GEMIN4: variants seen among roughly 807,000 people sequenced by gnomAD.
GEMIN4 encodes the protein gem-associated protein 4.
A neutral mutation model predicts 76.8 loss-of-function variants in GEMIN4; 59 were observed. The observed-to-expected ratio is 0.77, with a 90% confidence interval of 0.62 to 0.95. The LOEUF (loss-of-function observed/expected upper bound fraction) is 0.95. GEMIN4 is among the 40% of genes least tolerant of loss of function. The pLI, the probability that GEMIN4 is intolerant of heterozygous loss-of-function variation, is 0.00. For synonymous variants in GEMIN4, 562 were observed against 559.7 expected, an observed-to-expected ratio of 1.00 and a Z score of -0.06; for missense variants, 1,311 against 1,318.9, an observed-to-expected ratio of 0.99 and a Z score of 0.09.
rs1045481 is a variant in GEMIN4, at chr17:744,917, G to A, written c.3126C>T (p.Ile1042=). The part of the protein sequence containing the change: ...QRFLKSIAEG[I]GPEERRQTLL... ...GGGTTTGGCGCCGTTCTTCAGGGCC[G>A]ATGCCCTCAGCAATGGACTTTAAGA... Residue 1042 remains isoleucine (I), a synonymous_variant, in exon 2 of 2, where the codon ATC becomes ATT. Coordinates refer to ENST00000319004, the MANE Select transcript of GEMIN4 (RefSeq NM_015721.3). 378,428 of 1,613,264 alleles carry A rather than the reference G, an allele frequency of 0.23. 46,642 individuals are homozygous for A. The highest frequency in any genetic ancestry group is 0.26 in the Non-Finnish European group (304,597 of 1,179,588).
chr17:752,082 TG>T, intron 1 of GEMIN4, 50 bp downstream of exon 1: 1 of 1,183,572 alleles, frequency 8.4e-7, no homozygotes, highest in Non-Finnish European at 1.1e-6. Flanking sequence ...AGCACCGCTC[TG>T]GTGGCGCATT....
At position 752,181 on chromosome 17, in the gene GEMIN4, T is replaced by A; in HGVS notation, c.-39A>T. On this transcript the variant is annotated 5_prime_UTR_variant, in exon 1 of 2. Transcript: ENST00000319004. Reference sequence around the variant, plus strand: ...GCGGCTGCGCGGGGCTAACGCCCCCTCCCCTCCGAGAACTCGAACGCGGCG... The same window carrying A: ...GCGGCTGCGCGGGGCTAACGCCCCCACCCCTCCGAGAACTCGAACGCGGCG... 8.1e-7 allele frequency: 1 copy of A among 1,232,160 alleles called. No homozygotes were observed. Among genetic ancestry groups the A allele is most frequent in the Non-Finnish European group, 1.0e-6 (1 of 987,376 alleles). 76.3% of individuals were successfully genotyped at this position (1,232,160 alleles called of 1,614,324 possible).
Position 747,108 on chromosome 17 carries a change from G to A in GEMIN4, c.935C>T (p.Thr312Ile), listed in dbSNP as rs769784287. ...LTSLAKLPSETIFVGCEFLHH... is the reference protein window; with the variant it reads ...LTSLAKLPSEIIFVGCEFLHH... ...CAGGAACTCGCAGCCCACGAAAATG[G>A]TCTCACTGGGGAGTTTGGCCAGCGA... The change falls in exon 2 of 2, where the codon ACC becomes ATC. Residue 312 changes from threonine (T) to isoleucine (I), a missense_variant. Thr to Ile is a moderately conservative substitution (Grantham distance 89). Coordinates refer to ENST00000319004, the MANE Select transcript of GEMIN4 (RefSeq NM_015721.3). 1.5e-5 allele frequency: 24 copies of A among 1,613,610 alleles called. No homozygotes were observed. In the African/African-American group the frequency reaches 1.9e-4, roughly 13 times the overall value.
chr17:745,382 G>A lies in GEMIN4; in HGVS notation c.2661C>T (p.Val887=). The change falls in exon 2 of 2, where the codon GTC becomes GTT. Residue 887 remains valine (V), a synonymous_variant. Transcript: ENST00000319004. The surrounding 1 kb of genome is among the most constrained non-coding windows in gnomAD (Gnocchi z 4.6). ...ACTGAATATATTCCAGGCTATAAGG[G>A]ACATGGAGGAGCTGCTTCTCCAGCA... ...RRLLEKQLLH[V]PYSLEYIQFV... 1 of 1,613,178 alleles carries A rather than the reference G, an allele frequency of 6.2e-7. No homozygotes were observed. The highest frequency in any genetic ancestry group is 8.5e-7 in the Non-Finnish European group (1 of 1,179,872).
intron 1 of GEMIN4, chr17:748,881 C>CA (rs1904456111): frequency 5.7e-6 from 1 of 176,432 alleles, no homozygotes; most frequent in South Asian, 8.2e-5. Context: ...AGCAATCACA[C>CA]GGCTACAGGA....
chr17:750,131 G>A lies in GEMIN4; in HGVS notation c.10+2002C>T, dbSNP rs114099005. 7.0e-3 allele frequency: 1,843 copies of A among 264,840 alleles called. 42 individuals are homozygous for A. Among genetic ancestry groups the A allele is most frequent in the African/African-American group, 0.041 (1,768 of 43,604 alleles). 16.4% of individuals were successfully genotyped at this position (264,840 alleles called of 1,614,324 possible). A position where few individuals can be genotyped will look rare whatever the true frequency, so the allele number is the denominator to read the frequency against. On this transcript the variant is annotated intron_variant, in intron 1 of 1. Transcript: ENST00000319004. ...AGCTACTTGGGGGGCTGAGGCAGGT[G>A]GATCCCTGAGGCCAGGAGTTCAAGA...
At chr17:752,681 C>T (rs901730241), upstream of GEMIN4, 23 of 988,352 alleles carry the variant, frequency 2.3e-5, no homozygotes, top group Middle Eastern at 9.7e-4. Context: ...ATCCTAGACG[C>T]TTTTTGACGG....
chr17:749,700 C>A, intron 1 of GEMIN4: 1 of 473,856 alleles, frequency 2.1e-6, no homozygotes, highest in South Asian at 5.0e-5. Context: ...GGGTAACGGG[C>A]ACAGCAGCAG....
rs760703859 is a variant in GEMIN4 at position 746,907 on chromosome 17, A to C, written c.1136T>G (p.Leu379Arg). ...CAGGAAGTCCCTGACACACTCCGCC[A>C]GCTCAGAGACCACCTGCCTGTCCTC... The part of the protein sequence containing the change: ...SKEDRQVVSE[L>R]AECVRDFLRK... Residue 379 changes from leucine (L) to arginine (R), a missense_variant, in exon 2 of 2, where the codon CTG becomes CGG. Leu to Arg is a moderately radical substitution (Grantham distance 102, BLOSUM62 -2). Coordinates refer to ENST00000319004, the MANE Select transcript of GEMIN4 (RefSeq NM_015721.3). The surrounding 1 kb of genome is among the most constrained non-coding windows in gnomAD (Gnocchi z 4.3). The C allele has an allele frequency of 5.0e-6, 8 of 1,613,718 alleles. No individual in the cohort carries two copies. Among genetic ancestry groups the C allele is most frequent in the Non-Finnish European group, 6.8e-6 (8 of 1,179,772 alleles).
rs553730469 is a variant in GEMIN4 at position 747,442 on chromosome 17, T to C, written c.601A>G (p.Lys201Glu). The change falls in exon 2 of 2, where the codon AAG (lysine) becomes GAG (glutamate). Residue 201 changes from lysine (K) to glutamate (E), a missense_variant. Transcript: ENST00000319004. Reference sequence around the variant, plus strand: ...GCGTCTGGGTCTGACCTAAGCCTCTTTGGAGGATGGGGGAACTCATCTAAG... The same window carrying C: ...GCGTCTGGGTCTGACCTAAGCCTCTCTGGAGGATGGGGGAACTCATCTAAG... ...PALDEFPHPPKRLRSDPDACP... is the reference protein window; with the variant it reads ...PALDEFPHPPERLRSDPDACP... The C allele has an allele frequency of 3.7e-6, 6 of 1,613,630 alleles. No homozygotes were observed. The highest frequency in any genetic ancestry group is 3.3e-5 in the Admixed American group (2 of 59,994).
chr17:746,389 G>A lies in GEMIN4; in HGVS notation c.1654C>T (p.Leu552=). 1.2e-6 allele frequency: 2 copies of A among 1,613,856 alleles called. No individual in the cohort carries two copies. The highest frequency in any genetic ancestry group is 1.7e-6 in the Non-Finnish European group (2 of 1,179,878). ...LAKAVASVAR[L]VIVHPEVTVK... is the part of the protein sequence containing the mutation. ...GTGACTTCCGGGTGCACTATGACCAGGCGGGCCACGGAGGCCACAGCTTTT... is the reference window on the plus strand; with the variant it reads ...GTGACTTCCGGGTGCACTATGACCAAGCGGGCCACGGAGGCCACAGCTTTT... The change falls in exon 2 of 2, where the codon CTG becomes TTG. Residue 552 remains leucine, a synonymous_variant. Coordinates refer to ENST00000319004, the MANE Select transcript of GEMIN4 (RefSeq NM_015721.3). This position sits in a 1 kb window ranked among gnomAD's most constrained non-coding sequence, Gnocchi z 4.3.
At chr17:748,401 T>G (rs2144183428) in intron 1 of GEMIN4, 1 of 222,632 alleles carries the variant, frequency 4.5e-6, no homozygotes, top group Non-Finnish European at 8.9e-6. Flanking sequence ...CTGGGAAATG[T>G]GATTCTGAGA....
rs1419130611 is a variant in GEMIN4 at position 745,350 on chromosome 17, G to T, written c.2693C>A (p.Pro898His). Residue 898 changes from proline (P) to histidine (H), a missense_variant, in exon 2 of 2, where the codon CCC becomes CAC. By Grantham distance (77) the Pro-to-His change is moderately conservative. This residue lies in a region of GEMIN4 where 1,208 missense variants were observed against 1,166.9 expected (regional missense o/e 1.04). Transcript: ENST00000319004. This position sits in a 1 kb window ranked among gnomAD's most constrained non-coding sequence, Gnocchi z 4.6. Reference sequence around the variant, plus strand: ...GGCAAAGGGCTTCAGGTTGAGCAGGGGAACAAACTGAATATATTCCAGGCT... The same window carrying T: ...GGCAAAGGGCTTCAGGTTGAGCAGGTGAACAAACTGAATATATTCCAGGCT... ...PYSLEYIQFV[P>H]LLNLKPFAQE... The T allele has an allele frequency of 6.2e-7, 1 of 1,613,008 alleles. No homozygotes were observed. The highest frequency in any genetic ancestry group is 2.2e-5 in the East Asian group (1 of 44,874).
chr17:746,866 C>T lies in GEMIN4; in HGVS notation c.1177G>A (p.Val393Met), dbSNP rs1272731789. Residue 393 changes from valine (V) to methionine (M), a missense_variant, in exon 2 of 2, where the codon GTG becomes ATG. Physicochemically the swap from Val to Met is conservative, Grantham distance 21 (BLOSUM62 1). This residue lies in a region of GEMIN4 where 1,208 missense variants were observed against 1,166.9 expected (regional missense o/e 1.04). Transcript: ENST00000319004. The surrounding 1 kb of genome is among the most constrained non-coding windows in gnomAD (Gnocchi z 4.3). Reference protein sequence around the residue: ...VRDFLRKTSTVLKNRALEDIT... With the variant: ...VRDFLRKTSTMLKNRALEDIT... ...TCCTCCAAGGCCCTGTTCTTCAGCA[C>T]CGTGCTCGTTTTCCTCAGGAAGTCC... 1.2e-6 allele frequency: 2 copies of T among 1,613,572 alleles called. No individual in the cohort carries two copies. The highest frequency in any genetic ancestry group is 1.1e-5 in the South Asian group (1 of 91,084).
At chr17:750,673 G>A (rs1279651036) in intron 1 of GEMIN4, among the ~76,000 whole-genome samples, 1 of 152,100 alleles carries the variant, frequency 6.6e-6, no homozygotes, top group Non-Finnish European at 1.5e-5. Context: ...ATGCCCCCAA[G>A]AGCTCATATT....
At position 747,670 on chromosome 17, in the gene GEMIN4, A is replaced by C; in HGVS notation, c.373T>G (p.Phe125Val). The part of the protein sequence containing the change: ...LLKSLEASGL[F>V]IQLLMALPTT... Reference sequence around the variant, plus strand: ...GGCAGGGCCATCAGGAGCTGGATAAAGAGTCCAGAAGCTTCCAGGGATTTG... The same window carrying C: ...GGCAGGGCCATCAGGAGCTGGATAACGAGTCCAGAAGCTTCCAGGGATTTG... The change falls in exon 2 of 2, where the codon TTT (phenylalanine) becomes GTT (valine). Residue 125 changes from phenylalanine to valine, a missense_variant. Around this residue, in one of 2 missense-constraint regions of GEMIN4, gnomAD observed 1,208 missense variants for 1,166.9 expected, o/e 1.04. Transcript: ENST00000319004. The C allele has an allele frequency of 6.2e-7, 1 of 1,613,888 alleles. No homozygotes were observed. Among genetic ancestry groups the C allele is most frequent in the Non-Finnish European group, 8.5e-7 (1 of 1,179,860 alleles).
At position 746,904 on chromosome 17, in the gene GEMIN4, G is replaced by A. The variant is rs368823752; in HGVS notation, c.1139C>T (p.Ala380Val). ...CCTCAGGAAGTCCCTGACACACTCC[G>A]CCAGCTCAGAGACCACCTGCCTGTC... ...KEDRQVVSEL[A>V]ECVRDFLRKT... The change falls in exon 2 of 2, where the codon GCG becomes GTG. Residue 380 changes from alanine (A) to valine (V), a missense_variant. This residue lies in a region of GEMIN4 where 1,208 missense variants were observed against 1,166.9 expected (regional missense o/e 1.04). Coordinates refer to ENST00000319004, the MANE Select transcript of GEMIN4 (RefSeq NM_015721.3). The surrounding 1 kb of genome is among the most constrained non-coding windows in gnomAD (Gnocchi z 4.3). 43 of 1,613,250 alleles carry A rather than the reference G, an allele frequency of 2.7e-5. No homozygotes were observed. The highest frequency in any genetic ancestry group is 3.3e-4 in the Middle Eastern group (2 of 6,084).
In GEMIN4 at chr17:746,247, G is replaced by C; in HGVS notation, c.1796C>G (p.Ser599Cys). 1 of 1,613,800 alleles carries C rather than the reference G, an allele frequency of 6.2e-7. No individual in the cohort carries two copies. Among genetic ancestry groups the C allele is most frequent in the African/African-American group, 1.3e-5 (1 of 75,054 alleles). Residue 599 changes from serine to cysteine, a missense_variant, in exon 2 of 2, where the codon TCT becomes TGT. Ser to Cys is a moderately radical substitution (Grantham distance 112). Transcript: ENST00000319004. The surrounding 1 kb of genome is among the most constrained non-coding windows in gnomAD (Gnocchi z 4.3). ...RFVEEQGPNS[S>C]ATFMVSCLKE... Reference sequence around the variant, plus strand: ...GAGGCATGACACCATGAAAGTGGCAGATGAATTGGGACCCTGCTCTTCCAC... The same window carrying C: ...GAGGCATGACACCATGAAAGTGGCACATGAATTGGGACCCTGCTCTTCCAC...
At chr17:749,257 A>G in intron 1 of GEMIN4, 1 of 171,574 alleles carries the variant, frequency 5.8e-6, no homozygotes, top group South Asian at 7.4e-5. Context: ...GCCACAGGGT[A>G]ATGGGCACAG....
Sources: allele counts gnomAD v4.1 joint callset (sites outside exome capture counted in the v4.1 genomes callset), GRCh38; gene constraint gnomAD v4.1.1; regional missense constraint gnomAD v4.1.1; non-coding constraint Gnocchi (gnomAD v3.1); transcripts MANE v1.5; gene names NCBI Gene and HGNC (gene_info 2026-07-23, HGNC 2026-07-21).